Variants in CCDC171 observed in about 807,000 individuals in gnomAD.
The protein encoded by CCDC171 is coiled-coil domain containing 171.
In CCDC171, 177 loss-of-function variants were observed where a neutral mutation model predicts 168.2. That is an observed-to-expected ratio of 1.05 (90% CI 0.93 to 1.19). The LOEUF is 1.19. Ranked by LOEUF, CCDC171 falls within the 50% of genes most tolerant of loss-of-function variation. The probability of loss-of-function intolerance (pLI) is 0.00; values close to 1 mark genes in which losing one functional copy is unlikely to be tolerated. For synonymous variants in CCDC171, 687 were observed against 540.8 expected, an observed-to-expected ratio of 1.27 and a Z score of -3.75; for missense variants, 1,991 against 1,539.0, an observed-to-expected ratio of 1.29 and a Z score of -4.91.
intron 24 of CCDC171, among the ~76,000 whole-genome samples, chr9:15,914,807 G>T (rs1824262985): frequency 6.6e-6 from 1 of 152,180 alleles, no homozygotes; most frequent in African/African-American, 2.4e-5. Context: ...CCTGGTCTGG[G>T]TTGTGAAGAC....
chr9:15,621,050 C>G (rs1031278556), intron 6 of CCDC171, among the ~76,000 whole-genome samples: 4 of 152,208 alleles, frequency 2.6e-5, no homozygotes, highest in Non-Finnish European at 5.9e-5. Context: ...ACTGCAATCT[C>G]TGCTTCCTGG....
intron 10 of CCDC171, among the ~76,000 whole-genome samples, chr9:15,684,437 A>T (rs2050244514): frequency 6.6e-6 from 1 of 151,782 alleles, no homozygotes. Context: ...TTTTATTGTT[A>T]TTTATGACTT....
intron 11 of CCDC171, among the ~76,000 whole-genome samples, chr9:15,700,567 C>T (rs1000531010): frequency 1.6e-4 from 25 of 152,228 alleles, no homozygotes; most frequent in Non-Finnish European, 2.9e-4. Context: ...CGAGAGCAAG[C>T]GAGGGCTGTG....
chr9:16,103,227 T>C, the CCDC171 span, among the ~76,000 whole-genome samples: 1 of 152,190 alleles, frequency 6.6e-6, no homozygotes, highest in Non-Finnish European at 1.5e-5. Context: ...AAGGGGGATT[T>C]GCATGCTGGC....
intron 11 of CCDC171, among the ~76,000 whole-genome samples, chr9:15,720,890 C>A (rs539033967): frequency 1.1e-3 from 170 of 152,248 alleles, no homozygotes; most frequent in African/African-American, 4.0e-3. Context: ...TTTCCTGTGT[C>A]AAGTGTTCTC....
Position 15,836,213 on chromosome 9 carries a change from A to G in CCDC171, c.3268-10489A>G, listed in dbSNP as rs369277691. On this transcript the variant is annotated intron_variant, in intron 21 of 25. Transcript: ENST00000380701. ...CAGTGACAAATAACTCTAAACAGTG[A>G]CTTTACAACCACAAGTGATTTCTCA... Among the ~76,000 whole-genome samples, 12 of 152,278 alleles carry G rather than the reference A, an allele frequency of 7.9e-5. No individual in the cohort carries two copies. The East Asian group carries it at 1.5e-3, about 20-fold the overall frequency.
intron 6 of CCDC171, among the ~76,000 whole-genome samples, chr9:15,596,108 G>C (rs1189597802): frequency 6.6e-6 from 1 of 152,170 alleles, no homozygotes; most frequent in African/African-American, 2.4e-5. Flanking sequence ...TGTTCACTCT[G>C]ATGGTAGTTT....
downstream of CCDC171, among the ~76,000 whole-genome samples, chr9:16,062,040 G>A (rs1833938101): frequency 1.3e-5 from 2 of 152,102 alleles, no homozygotes; most frequent in African/African-American, 4.8e-5. Context: ...ACAATTCACT[G>A]TCTTCATTTT....
intron 21 of CCDC171, among the ~76,000 whole-genome samples, chr9:15,798,582 G>T (rs1347033513): frequency 6.6e-6 from 1 of 152,052 alleles, no homozygotes; most frequent in Non-Finnish European, 1.5e-5. Flanking sequence ...GTTGTTAAGG[G>T]TTTAGCCTAT....
chr9:15,994,781 A>G (rs1383065928), intron 3 of CCDC171, among the ~76,000 whole-genome samples: 2 of 152,156 alleles, frequency 1.3e-5, no homozygotes, highest in Non-Finnish European at 2.9e-5. Context: ...TATTTTGGCT[A>G]TTTCACCATC....
rs115024141 is a variant in CCDC171 at position 15,559,947 on chromosome 9, T to C, written c.-111-4031T>C. Among the ~76,000 whole-genome samples, 960 of 152,186 alleles carry C rather than the reference T, an allele frequency of 6.3e-3. 8 individuals carry two copies. Among genetic ancestry groups the C allele is most frequent in the African/African-American group, 0.022 (934 of 41,532 alleles). ...GCCTGGTGGTGACAGAATCTCTCAA[T>C]ATTTGTTTGTCTGAAAAGGATTTTA... is the stretch of plus-strand genomic sequence containing the variant. On this transcript the variant is annotated intron_variant, in intron 1 of 25. Coordinates refer to ENST00000380701, the MANE Select transcript of CCDC171 (RefSeq NM_173550.4).
rs187659727 is a variant in CCDC171, at chr9:15,671,291, C to T, written c.1076+4968C>T. ...TTTAAATTTCTTCTAAGAGATGTTC[C>T]TCCTGGACTCTTCTGTCTACTTTTT... On this transcript the variant is annotated intron_variant, in intron 9 of 25. Transcript: ENST00000380701. Among the ~76,000 whole-genome samples, 65 of 152,104 alleles carry T rather than the reference C, an allele frequency of 4.3e-4. No homozygotes were observed. In the East Asian group the frequency reaches 7.3e-3, roughly 17 times the overall value.
chr9:15,992,852 A>G (rs1247302627), intron 3 of CCDC171, among the ~76,000 whole-genome samples: 1 of 152,188 alleles, frequency 6.6e-6, no homozygotes, highest in African/African-American at 2.4e-5. Flanking sequence ...CAATTGCTTC[A>G]AAGAGAATAA....
chr9:15,808,014 C>T (rs924372681), intron 21 of CCDC171, among the ~76,000 whole-genome samples: 1 of 151,840 alleles, frequency 6.6e-6, no homozygotes, highest in African/African-American at 2.4e-5. Flanking sequence ...CCAGTTTTAT[C>T]ATTGTTTAAG....
chr9:15,867,858 G>T (rs1482290827), intron 23 of CCDC171, among the ~76,000 whole-genome samples: 2 of 151,838 alleles, frequency 1.3e-5, no homozygotes, highest in Non-Finnish European at 2.9e-5. Context: ...TGGTTTTTTT[G>T]TTTGTTTAAA....
chr9:16,073,704 C>A, the CCDC171 span, among the ~76,000 whole-genome samples: 30,990 of 152,106 alleles, frequency 0.2, 3,327 homozygotes, highest in Admixed American at 0.25. Context: ...CGCGATCTGG[C>A]AGCTGATTTG....
intron 11 of CCDC171, among the ~76,000 whole-genome samples, chr9:15,716,677 C>T (rs75747877): frequency 0.038 from 5,793 of 152,198 alleles, 165 homozygotes; most frequent in Non-Finnish European, 0.064. Context: ...GGCCCTTATG[C>T]TACATCATCT....
chr9:15,849,028 A>T, intron 23 of CCDC171, 81 bp downstream of exon 23: 1 of 691,542 alleles, frequency 1.4e-6, no homozygotes. Flanking sequence ...AAGTACTTTC[A>T]TTGATTTTGA....
At chr9:15,593,558 G>A (rs1488036352) in intron 5 of CCDC171, among the ~76,000 whole-genome samples, 3 of 151,414 alleles carry the variant, frequency 2.0e-5, no homozygotes, top group Non-Finnish European at 4.4e-5. Flanking sequence ...TTTCCCTTTT[G>A]GAAATACATT....
Sources: allele counts gnomAD v4.1 joint callset (sites outside exome capture counted in the v4.1 genomes callset), GRCh38; gene constraint gnomAD v4.1.1; transcripts MANE v1.5; gene names NCBI Gene and HGNC (gene_info 2026-07-23, HGNC 2026-07-21).